The following COQ8A variants were observed in gnomAD, a reference collection of about 807,000 sequenced individuals.
The protein encoded by COQ8A is atypical kinase COQ8A, mitochondrial.
Under a neutral mutation model 65.0 loss-of-function variants are expected in COQ8A, and 51 were observed. The observed-to-expected ratio is 0.78, with a 90% CI of 0.63 to 0.99. COQ8A has a LOEUF of 0.99. Ranked by LOEUF, COQ8A falls within the 50% of genes least tolerant of loss-of-function variation. COQ8A has a pLI of 0.00. For synonymous variants in COQ8A, 371 were observed against 353.2 expected, an observed-to-expected ratio of 1.05 and a Z score of -0.57; for missense variants, 940 against 875.0, an observed-to-expected ratio of 1.07 and a Z score of -0.94.
chr1:226,974,640 T>C (rs1296739240), intron 4 of COQ8A, among the ~76,000 whole-genome samples: 3 of 152,176 alleles, frequency 2.0e-5, no homozygotes, highest in African/African-American at 7.2e-5. Flanking sequence ...CCTCAGTTTA[T>C]TCTGGGTTCA....
At chr1:226,953,116 G>A (rs1049347742) in intron 1 of COQ8A, among the ~76,000 whole-genome samples, 4 of 152,104 alleles carry the variant, frequency 2.6e-5, no homozygotes, top group East Asian at 1.9e-4. Flanking sequence ...TGCAGCTTCC[G>A]CCTCCTGGTT....
intron 5 of COQ8A, among the ~76,000 whole-genome samples, chr1:226,978,572 C>CTT (rs1659451230): frequency 3.0e-5 from 2 of 66,716 alleles, no homozygotes; most frequent in Non-Finnish European, 9.0e-5. Flanking sequence ...AGCCACACAC[C>CTT]ACCTTACACA....
rs753254213 is a variant in COQ8A, at chr1:226,983,826, C to T, written c.1228C>T (p.Arg410Ter). The T allele has an allele frequency of 1.2e-5, 20 of 1,611,512 alleles. No homozygotes were observed. Among genetic ancestry groups the T allele is most frequent in the East Asian group, 4.5e-5 (2 of 44,882 alleles). The change falls in exon 10 of 15, where the codon CGA (arginine) becomes TGA (stop). Residue 410 changes from arginine (R) to a stop codon, truncating the protein, a stop_gained. Coordinates refer to ENST00000366777, the MANE Select transcript of COQ8A (RefSeq NM_020247.5). LOFTEE classifies it high-confidence loss of function. ...RELALECDYQ[R>*]EAACARKFRD... The stretch of plus-strand genomic sequence containing the variant: ...GCTGGCCCTGGAGTGTGACTACCAG[C>T]GAGAGGCCGCCTGTGCCCGCAAGTT...
At chr1:226,979,521 G>A (rs188568003) in intron 5 of COQ8A, among the ~76,000 whole-genome samples, 100 of 152,246 alleles carry the variant, frequency 6.6e-4, no homozygotes, top group Non-Finnish European at 1.1e-3. Context: ...CCCTGGCCCC[G>A]GCCCATTCAG....
chr1:226,982,930 G>A lies in COQ8A; in HGVS notation c.976G>A (p.Asp326Asn), dbSNP rs867452437. ...LNNDLGPNWR[D>N]KLEYFEERPF... is the part of the protein sequence containing the mutation. ...CAACGACCTGGGCCCCAACTGGCGGGACAAGTTGGAATACTTCGAGGAGCG... is the reference window on the plus strand; with the variant it reads ...CAACGACCTGGGCCCCAACTGGCGGAACAAGTTGGAATACTTCGAGGAGCG... Residue 326 changes from aspartate (D) to asparagine (N), a missense_variant, in exon 8 of 15, where the codon GAC (aspartate) becomes AAC (asparagine). Transcript: ENST00000366777. 21 of 1,612,184 alleles carry A rather than the reference G, an allele frequency of 1.3e-5. 1 individual carries two copies. In the Middle Eastern group the frequency reaches 6.6e-4, roughly 51 times the overall value.
intron 1 of COQ8A, among the ~76,000 whole-genome samples, chr1:226,945,082 G>A (rs905274345): frequency 1.1e-4 from 17 of 152,296 alleles, no homozygotes; most frequent in African/African-American, 3.9e-4. Context: ...CCAGCTTTCA[G>A]AACAGCCCTG....
At chr1:226,945,874 T>C (rs890033349) in intron 1 of COQ8A, among the ~76,000 whole-genome samples, 1 of 152,246 alleles carries the variant, frequency 6.6e-6, no homozygotes, top group African/African-American at 2.4e-5. Context: ...AGCGGGATTA[T>C]GAAGCTGGCT....
At position 226,982,754 on chromosome 1, in the gene COQ8A, G is replaced by A. The variant is rs746855951; in HGVS notation, c.930G>A (p.Lys310=). The A allele has an allele frequency of 1.9e-6, 3 of 1,613,652 alleles. No individual in the cohort carries two copies. In the South Asian group the frequency reaches 3.3e-5, roughly 18 times the overall value. Residue 310 remains lysine (K), a synonymous_variant, in exon 7 of 15, where the codon AAG becomes AAA. Coordinates refer to ENST00000366777, the MANE Select transcript of COQ8A (RefSeq NM_020247.5). The stretch of plus-strand genomic sequence containing the variant: ...AGAGCGCGGACTTCATGCCACTGAA[G>A]CAGATGATGGTGAGGAGCCAGGGGC... ...VRQSADFMPL[K]QMMKTLNNDL...
intron 14 of COQ8A, among the ~76,000 whole-genome samples, chr1:226,985,942 C>T (rs1017498723): frequency 1.3e-5 from 2 of 152,176 alleles, no homozygotes; most frequent in South Asian, 2.1e-4. Flanking sequence ...TATGGCCACT[C>T]GCACTGACTC....
At chr1:226,975,234 T>C (rs2148092651) in intron 4 of COQ8A, among the ~76,000 whole-genome samples, 1 of 152,334 alleles carries the variant, frequency 6.6e-6, no homozygotes, top group East Asian at 1.9e-4. Context: ...CAGGGCTTTC[T>C]ACAGCGAGAG....
chr1:226,978,493 C>T (rs1397125812), intron 5 of COQ8A, among the ~76,000 whole-genome samples: 1 of 147,106 alleles, frequency 6.8e-6, no homozygotes, highest in Non-Finnish European at 1.5e-5. Context: ...CACCTCCTTA[C>T]ACATCCTCCA....
At chr1:226,983,712 C>A in intron 9 of COQ8A, 49 bp from the exon 10 acceptor site, 1 of 1,611,300 alleles carries the variant, frequency 6.2e-7, no homozygotes, top group Non-Finnish European at 8.5e-7. Context: ...CAGAGGGGGT[C>A]CTCCCTGCAG....
intron 4 of COQ8A, among the ~76,000 whole-genome samples, chr1:226,973,300 G>C (rs768382612): frequency 5.3e-5 from 8 of 152,244 alleles, no homozygotes; most frequent in Non-Finnish European, 1.0e-4. Flanking sequence ...AGCCTCCTTG[G>C]AAAGGGGCTT....
chr1:226,981,290 T>G (rs1185813982), intron 5 of COQ8A, among the ~76,000 whole-genome samples: 1 of 152,220 alleles, frequency 6.6e-6, no homozygotes, highest in Non-Finnish European at 1.5e-5. Flanking sequence ...CCAGCAGCCC[T>G]GGGCCACACG....
At chr1:226,985,943 G>C (rs965932476) in intron 14 of COQ8A, among the ~76,000 whole-genome samples, 1 of 152,116 alleles carries the variant, frequency 6.6e-6, no homozygotes, top group Non-Finnish European at 1.5e-5. Flanking sequence ...ATGGCCACTC[G>C]CACTGACTCG....
chr1:226,965,815 AC>A, intron 4 of COQ8A, 78 bp downstream of exon 4: 1 of 1,493,250 alleles, frequency 6.7e-7, no homozygotes. Flanking sequence ...GGAGGTGGGG[AC>A]CCAGCAATAT....
intron 5 of COQ8A, 51 bp from the exon 6 acceptor site, chr1:226,981,976 C>T (rs1426334900): frequency 5.0e-6 from 8 of 1,612,516 alleles, no homozygotes; most frequent in Non-Finnish European, 6.8e-6. Flanking sequence ...CTTGCCATCC[C>T]ACTCCCAGAC....
chr1:226,942,660 A>G (rs1656775605), intron 1 of COQ8A, among the ~76,000 whole-genome samples: 1 of 152,176 alleles, frequency 6.6e-6, no homozygotes, highest in Non-Finnish European at 1.5e-5. Flanking sequence ...CTGCATCTTC[A>G]GGGAGTGAGT....
At chr1:226,944,085 T>TG (rs1656854996) in intron 1 of COQ8A, among the ~76,000 whole-genome samples, 3 of 150,522 alleles carry the variant, frequency 2.0e-5, no homozygotes, top group Non-Finnish European at 4.4e-5. Context: ...AAAGAGGAGC[T>TG]GGGGGAGGAA....
Sources: allele counts gnomAD v4.1 joint callset (sites outside exome capture counted in the v4.1 genomes callset), GRCh38; gene constraint gnomAD v4.1.1; transcripts MANE v1.5; gene names NCBI Gene and HGNC (gene_info 2026-07-23, HGNC 2026-07-21).